The following FAM13B variants were observed in gnomAD, a reference collection of about 807,000 sequenced individuals.
The protein encoded by FAM13B is protein FAM13B.
Under a neutral mutation model 117.3 loss-of-function variants are expected in FAM13B, and 60 were observed. The ratio of observed to expected loss-of-function variants is 0.51; its 90% confidence interval spans 0.42 to 0.63. FAM13B has a LOEUF of 0.63. Ranked by LOEUF, FAM13B falls within the 30% of genes least tolerant of loss-of-function variation. The pLI, the probability that FAM13B is intolerant of heterozygous loss-of-function variation, is 0.00. For missense variants in FAM13B, 972 were observed against 1,091.9 expected (o/e 0.89, Z 1.55); for synonymous variants, 332 against 356.1 (o/e 0.93, Z 0.76).
At chr5:137,953,220 CG>C in intron 16 of FAM13B, 115 bp downstream of exon 16, 1 of 1,105,660 alleles carries the variant, frequency 9.0e-7, no homozygotes, top group East Asian at 2.4e-5. Context: ...ACTGTTCCTC[CG>C]GGTATCTCAG....
chr5:138,014,255 A>T (rs1784750209), intron 4 of FAM13B, among the ~76,000 whole-genome samples: 1 of 152,090 alleles, frequency 6.6e-6, no homozygotes, highest in Non-Finnish European at 1.5e-5. Context: ...AGAGATTTTC[A>T]TCTAGTTTTT....
chr5:138,020,891 C>G (rs1252467756), intron 2 of FAM13B, 140 bp downstream of exon 2: 2 of 465,096 alleles, frequency 4.3e-6, no homozygotes, highest in Non-Finnish European at 6.8e-6. Flanking sequence ...CTCAGACAAG[C>G]AACATCCATT....
At chr5:138,003,889 T>C (rs1781883436) in intron 7 of FAM13B, among the ~76,000 whole-genome samples, 1 of 152,234 alleles carries the variant, frequency 6.6e-6, no homozygotes, top group Non-Finnish European at 1.5e-5. Flanking sequence ...CATTTCGATT[T>C]GACTGTAGCC....
chr5:138,009,361 G>A (rs1581240236), intron 6 of FAM13B, among the ~76,000 whole-genome samples: 1 of 152,030 alleles, frequency 6.6e-6, no homozygotes, highest in African/African-American at 2.4e-5. Flanking sequence ...TCAAATGATA[G>A]ATCAGGTTTT....
chr5:138,029,198 A>C (rs942666588), intron 1 of FAM13B, among the ~76,000 whole-genome samples: 3 of 152,230 alleles, frequency 2.0e-5, no homozygotes, highest in Non-Finnish European at 4.4e-5. Flanking sequence ...CTTTTCTCAG[A>C]AGAGGAAGCA....
chr5:138,030,181 T>G (rs1789521311), intron 1 of FAM13B, among the ~76,000 whole-genome samples: 7 of 152,188 alleles, frequency 4.6e-5, no homozygotes, highest in Admixed American at 3.9e-4. Flanking sequence ...CCACTCAAAC[T>G]AATGGTCTCA....
At chr5:138,043,454 T>C (rs1281562827) in intron 1 of FAM13B, among the ~76,000 whole-genome samples, 4 of 151,008 alleles carry the variant, frequency 2.6e-5, no homozygotes, top group Admixed American at 1.3e-4. Context: ...TTTTTTTTTT[T>C]TTTTGAGACA....
intron 10 of FAM13B, among the ~76,000 whole-genome samples, chr5:137,980,933 G>C (rs979487133): frequency 6.7e-6 from 1 of 150,354 alleles, no homozygotes; most frequent in Non-Finnish European, 1.5e-5. Flanking sequence ...TTTCTTCAAA[G>C]ACAGGGTCTC....
intron 8 of FAM13B, 86 bp from the exon 9 acceptor site, chr5:137,987,702 G>A: frequency 7.8e-7 from 1 of 1,281,414 alleles, no homozygotes; most frequent in Admixed American, 2.5e-5. Context: ...CCTATGACCA[G>A]TAAAACTATT....
intron 18 of FAM13B, among the ~76,000 whole-genome samples, chr5:137,948,646 C>T (rs1213332055): frequency 6.6e-6 from 1 of 152,120 alleles, no homozygotes; most frequent in Non-Finnish European, 1.5e-5. Context: ...CCTCCTGCCT[C>T]GACCTCTGAA....
At position 138,023,928 on chromosome 5, in the gene FAM13B, G is replaced by A. The variant is rs550490936; in HGVS notation, c.-202-2731C>T. On this transcript the variant is annotated intron_variant, in intron 1 of 23. Transcript: ENST00000689681. The stretch of plus-strand genomic sequence containing the variant: ...TGCGAACAGGTACTTCCAGAGGGCA[G>A]GCCTATGGTCCAAACCCCAGGAGCC... 3.9e-5 allele frequency among the ~76,000 whole-genome samples: 6 copies of A among 152,270 alleles called. No homozygotes were observed. In the South Asian group the frequency reaches 1.0e-3, roughly 26 times the overall value.
intron 10 of FAM13B, among the ~76,000 whole-genome samples, chr5:137,983,192 A>T (rs1776280053): frequency 1.6e-4 from 2 of 12,248 alleles, no homozygotes; most frequent in Non-Finnish European, 2.8e-4. Context: ...AAAAAAAAAA[A>T]AAAAAAAAAA....
intron 10 of FAM13B, among the ~76,000 whole-genome samples, chr5:137,977,725 C>G (rs964994880): frequency 2.6e-5 from 4 of 152,200 alleles, no homozygotes; most frequent in Admixed American, 6.5e-5. Flanking sequence ...AAAAGGCATT[C>G]CACACACTGC....
intron 4 of FAM13B, among the ~76,000 whole-genome samples, chr5:138,017,764 CTTTT>C (rs1328607185): frequency 6.6e-6 from 1 of 152,122 alleles, no homozygotes. Context: ...AAAGATACAT[CTTTT>C]TTTGTTTCTT....
intron 1 of FAM13B, among the ~76,000 whole-genome samples, chr5:138,025,313 A>G (rs11242412): frequency 9.0e-6 from 1 of 111,198 alleles, no homozygotes; most frequent in South Asian, 2.6e-4. Context: ...ATATATATGT[A>G]TTTTTTTTTT....
chr5:137,973,575 A>C (rs973300474), intron 10 of FAM13B, among the ~76,000 whole-genome samples: 1 of 152,232 alleles, frequency 6.6e-6, no homozygotes, highest in African/African-American at 2.4e-5. Flanking sequence ...TAAAACACTA[A>C]AAGCAACGGC....
chr5:138,003,396 T>C (rs557614328), intron 7 of FAM13B, among the ~76,000 whole-genome samples: 53 of 152,356 alleles, frequency 3.5e-4, no homozygotes, highest in Middle Eastern at 3.4e-3. Flanking sequence ...AAAAGTACTA[T>C]AATGAAGCAA....
chr5:138,011,159 G>C lies in FAM13B; in HGVS notation c.549-10C>G. The C allele has an allele frequency of 3.1e-6, 5 of 1,593,028 alleles. No homozygotes were observed. Among genetic ancestry groups the C allele is most frequent in the Middle Eastern group, 1.7e-4 (1 of 6,014 alleles). The stretch of plus-strand genomic sequence containing the variant: ...CACATCTGTGTAAATGCTAAGAATA[G>C]AAGTCCAAATTGAATTGAGAGTTCT... On this transcript the variant is annotated splice_polypyrimidine_tract_variant and intron_variant, in intron 5 of 23. Coordinates refer to ENST00000689681, the MANE Select transcript of FAM13B (RefSeq NM_001385994.1).
In FAM13B at chr5:138,018,131, CG is replaced by C. The variant is rs1561535523; in HGVS notation, c.370+170del. On this transcript the variant is annotated intron_variant, in intron 4 of 23. Coordinates refer to ENST00000689681, the MANE Select transcript of FAM13B (RefSeq NM_001385994.1). The stretch of plus-strand genomic sequence containing the variant: ...AAAGTAAATAGTACTAGAGGGATCC[CG>C]GAAGTTGCCTTTCCTATGACAAGAT... Among the ~76,000 whole-genome samples the C allele has an allele frequency of 5.3e-5, 8 of 152,220 alleles. No homozygotes were observed. In the South Asian group the frequency reaches 1.7e-3, roughly 32 times the overall value.
Sources: gnomAD v4.1 joint callset for allele counts (sites outside exome capture counted in the v4.1 genomes callset) on GRCh38, gnomAD v4.1.1 for gene constraint, MANE v1.5 for transcripts, NCBI Gene and HGNC (gene_info 2026-07-23, HGNC 2026-07-21) for gene names.